Variants in ADAM2 observed in about 807,000 individuals in gnomAD.
The protein encoded by ADAM2 is ADAM metallopeptidase domain 2.
A neutral mutation model predicts 99.3 loss-of-function variants in ADAM2; 101 were observed. The ratio of observed to expected loss-of-function variants is 1.02; its 90% CI spans 0.87 to 1.20. The LOEUF (loss-of-function observed/expected upper bound fraction) is 1.20, where lower values mean the gene tolerates loss of function less well. Ranked by LOEUF, ADAM2 falls within the 50% of genes most tolerant of loss-of-function variation. The pLI is 0.00. For missense variants in ADAM2, 948 were observed against 878.7 expected, an observed-to-expected ratio of 1.08 and a Z score of -1.00; for synonymous variants, 323 against 287.6, an observed-to-expected ratio of 1.12 and a Z score of -1.25.
intron 11 of ADAM2, among the ~76,000 whole-genome samples, chr8:39,776,237 G>A (rs376377318): frequency 2.0e-5 from 3 of 152,188 alleles, no homozygotes; most frequent in African/African-American, 7.2e-5. Flanking sequence ...AAGCCACTCT[G>A]GGGTAACTAT....
intron 16 of ADAM2, among the ~76,000 whole-genome samples, chr8:39,754,741 G>C (rs966386678): frequency 3.3e-5 from 5 of 151,940 alleles, no homozygotes; most frequent in Non-Finnish European, 7.4e-5. Flanking sequence ...TACTTATTAA[G>C]CCAGAGAGGC....
At chr8:39,753,819 ACACACACACACT>A (rs1802048854) in intron 16 of ADAM2, among the ~76,000 whole-genome samples, 2 of 151,804 alleles carry the variant, frequency 1.3e-5, no homozygotes, top group South Asian at 2.1e-4. Context: ...CAAAACACAC[ACACACACACACT>A]CACACACACA....
chr8:39,779,613 A>T (rs1294455566), intron 10 of ADAM2, among the ~76,000 whole-genome samples: 1 of 152,174 alleles, frequency 6.6e-6, no homozygotes, highest in East Asian at 1.9e-4. Flanking sequence ...CACTGAATTT[A>T]AAAAATATAT....
chr8:39,831,529 A>G (rs111449616), intron 3 of ADAM2, among the ~76,000 whole-genome samples: 3,318 of 152,278 alleles, frequency 0.022, 110 homozygotes, highest in African/African-American at 0.069. Context: ...ATGTAGAAAA[A>G]TAGCAATAAT....
chr8:39,751,261 A>G (rs1356450583), intron 16 of ADAM2, among the ~76,000 whole-genome samples: 1 of 152,190 alleles, frequency 6.6e-6, no homozygotes, highest in Non-Finnish European at 1.5e-5. Flanking sequence ...TTATAAATCT[A>G]TCTATTCTGT....
chr8:39,788,198 T>C lies in ADAM2; in HGVS notation c.696A>G (p.Ile232Met), dbSNP rs1161041168. 1.9e-6 allele frequency: 3 copies of C among 1,575,146 alleles called. No homozygotes were observed. Among genetic ancestry groups the C allele is most frequent in the Non-Finnish European group, 2.6e-6 (3 of 1,154,840 alleles). The change falls in exon 9 of 21, where the codon ATA (isoleucine) becomes ATG (methionine). Residue 232 changes from isoleucine (I) to methionine (M), a missense_variant. By Grantham distance (10) the Ile-to-Met change is conservative (BLOSUM62 1). Transcript: ENST00000265708. ...CAGTGGTTGCAATTTTATTTTCATC[T>C]ATCCAAAGCTCCAATGAAGACAGAA... ...TIILSSLELW[I>M]DENKIATTGE...
At chr8:39,777,566 AT>A (rs1803041986) in intron 10 of ADAM2, among the ~76,000 whole-genome samples, 1 of 152,084 alleles carries the variant, frequency 6.6e-6, no homozygotes, top group Non-Finnish European at 1.5e-5. Flanking sequence ...TAAAGAGGAG[AT>A]GGTTTAATGA....
chr8:39,818,964 C>T (rs1805064250), intron 6 of ADAM2, among the ~76,000 whole-genome samples: 3 of 151,908 alleles, frequency 2.0e-5, no homozygotes, highest in Non-Finnish European at 1.5e-5. Context: ...TAGCAGTATT[C>T]CTCAGGTTTA....
chr8:39,754,046 C>T (rs888681435), intron 16 of ADAM2, among the ~76,000 whole-genome samples: 1 of 152,070 alleles, frequency 6.6e-6, no homozygotes, highest in Non-Finnish European at 1.5e-5. Context: ...CTTTCCTAAG[C>T]CTGTGTGTGG....
chr8:39,774,892 CT>C (rs1465858088), intron 11 of ADAM2, among the ~76,000 whole-genome samples: 1 of 151,924 alleles, frequency 6.6e-6, no homozygotes, highest in Non-Finnish European at 1.5e-5. Context: ...TGTCATCTGT[CT>C]TTGTTTAGAT....
intron 6 of ADAM2, among the ~76,000 whole-genome samples, chr8:39,811,353 G>A (rs1261988558): frequency 1.3e-5 from 2 of 152,202 alleles, no homozygotes; most frequent in African/African-American, 4.8e-5. Flanking sequence ...GAGGTACAAA[G>A]AGGAGCTGGT....
intron 7 of ADAM2, among the ~76,000 whole-genome samples, chr8:39,796,958 T>C (rs1803987020): frequency 6.6e-6 from 1 of 152,188 alleles, no homozygotes; most frequent in Non-Finnish European, 1.5e-5. Context: ...GTCAGATGGG[T>C]AGATTGCAAA....
intron 7 of ADAM2, among the ~76,000 whole-genome samples, chr8:39,801,127 T>C (rs1183626995): frequency 6.6e-6 from 1 of 152,210 alleles, no homozygotes; most frequent in Non-Finnish European, 1.5e-5. Flanking sequence ...ATTTTTTTCA[T>C]TGATTATTTC....
At chr8:39,831,539 T>A (rs1805618349) in intron 3 of ADAM2, among the ~76,000 whole-genome samples, 1 of 151,902 alleles carries the variant, frequency 6.6e-6, no homozygotes. Flanking sequence ...ATAGCAATAA[T>A]CAAGTAAATT....
In ADAM2 at chr8:39,833,982, T is replaced by C; in HGVS notation, c.150A>G (p.Val50=). Residue 50 remains valine, a synonymous_variant, in exon 3 of 21, where the codon GTA becomes GTG. Transcript: ENST00000265708. ...TCACAGTATATGGTTTCCCTTCAAT[T>C]ACAATTTTGTAGGATGCCTGGCAGG... is the stretch of plus-strand genomic sequence containing the variant. ...GIESQASYKI[V]IEGKPYTVNL... The C allele has an allele frequency of 6.3e-7, 1 of 1,575,832 alleles. No individual in the cohort carries two copies. The highest frequency in any genetic ancestry group is 8.7e-7 in the Non-Finnish European group (1 of 1,148,776).
intron 9 of ADAM2, among the ~76,000 whole-genome samples, 159 bp from the exon 10 acceptor site, chr8:39,787,214 A>G (rs1586099499): frequency 6.6e-6 from 1 of 151,888 alleles, no homozygotes; most frequent in East Asian, 1.9e-4. Context: ...TCTTTTAAAA[A>G]CAATAAAATA....
chr8:39,790,032 A>G (rs1044701231), intron 7 of ADAM2, among the ~76,000 whole-genome samples: 1 of 151,938 alleles, frequency 6.6e-6, no homozygotes, highest in Admixed American at 6.6e-5. Flanking sequence ...CAAAAGACAC[A>G]CATTAACAAG....
intron 10 of ADAM2, among the ~76,000 whole-genome samples, chr8:39,786,739 G>C (rs937080880): frequency 1.3e-5 from 2 of 152,024 alleles, no homozygotes; most frequent in African/African-American, 4.8e-5. Flanking sequence ...GACTAAACTA[G>C]TTCACTACCT....
At chr8:39,776,013 TGCC>T (rs1022075320) in intron 11 of ADAM2, among the ~76,000 whole-genome samples, 2 of 152,098 alleles carry the variant, frequency 1.3e-5, no homozygotes, top group Non-Finnish European at 2.9e-5. Flanking sequence ...TACTGATACT[TGCC>T]AGAGATTCCA....
Sources: allele counts gnomAD v4.1 joint callset (sites outside exome capture counted in the v4.1 genomes callset), GRCh38; gene constraint gnomAD v4.1.1; transcripts MANE v1.5; gene names NCBI Gene and HGNC (gene_info 2026-07-23, HGNC 2026-07-21).